Variants in COL24A1 observed in about 807,000 individuals in gnomAD.
COL24A1 encodes the protein collagen type XXIV alpha 1 chain, also known as collagen alpha-1(XXIV) chain.
A neutral mutation model predicts 253.9 loss-of-function variants in COL24A1; 224 were observed. The observed-to-expected ratio is 0.88, with a 90% confidence interval of 0.79 to 0.99. COL24A1 has a LOEUF of 0.99. COL24A1 is among the 50% of genes least tolerant of loss of function. The pLI is 0.00. For missense variants in COL24A1, 2,131 were observed against 2,068.5 expected, an observed-to-expected ratio of 1.03 and a Z score of -0.59; for synonymous variants, 685 against 673.7, an observed-to-expected ratio of 1.02 and a Z score of -0.26.
chr1:85,996,947 A>G (rs1694850725), intron 19 of COL24A1, among the ~76,000 whole-genome samples: 1 of 151,480 alleles, frequency 6.6e-6, no homozygotes, highest in African/African-American at 2.4e-5. Flanking sequence ...CTATGGGTCT[A>G]TGGTCACTCT....
rs1333536922 is a variant in COL24A1, at chr1:85,842,138, A to G, written c.3517-17T>C. The G allele has an allele frequency of 6.2e-7, 1 of 1,610,708 alleles. No individual in the cohort carries two copies. The highest frequency in any genetic ancestry group is 8.5e-7 in the Non-Finnish European group (1 of 1,177,152). ...CTGATGGCCCTACGAAAGGACAAGTAGACATTTATACATGCTCTACCTAGA... is the reference window on the plus strand; with the variant it reads ...CTGATGGCCCTACGAAAGGACAAGTGGACATTTATACATGCTCTACCTAGA... On this transcript the variant is annotated splice_polypyrimidine_tract_variant and intron_variant, in intron 40 of 59. Transcript: ENST00000370571.
At position 86,056,531 on chromosome 1, in the gene COL24A1, G is replaced by A. The variant is rs190495358; in HGVS notation, c.1851+1400C>T. Among the ~76,000 whole-genome samples, 4 of 152,198 alleles carry A rather than the reference G, an allele frequency of 2.6e-5. No individual in the cohort carries two copies. The East Asian group carries it at 5.8e-4, about 22-fold the overall frequency. Reference sequence around the variant, plus strand: ...GTAAGACATCATTATTGCACATATTGTTTAAATACCTTATGCTTTACTTCT... The same window carrying A: ...GTAAGACATCATTATTGCACATATTATTTAAATACCTTATGCTTTACTTCT... On this transcript the variant is annotated intron_variant, in intron 10 of 59. Coordinates refer to ENST00000370571, the MANE Select transcript of COL24A1 (RefSeq NM_152890.7).
At chr1:85,833,967 G>A (rs1570831457) in intron 43 of COL24A1, among the ~76,000 whole-genome samples, 3 of 120,696 alleles carry the variant, frequency 2.5e-5, no homozygotes, top group East Asian at 5.9e-4. Flanking sequence ...GGACTGTTGT[G>A]GGGTGGGGGG....
intron 1 of COL24A1, among the ~76,000 whole-genome samples, chr1:86,153,744 G>A (rs894513502): frequency 5.9e-5 from 9 of 152,008 alleles, no homozygotes; most frequent in East Asian, 1.9e-4. Flanking sequence ...ATAGAATTTC[G>A]TGCCATCTAG....
intron 43 of COL24A1, among the ~76,000 whole-genome samples, chr1:85,827,562 C>A (rs1211409701): frequency 1.4e-5 from 2 of 140,526 alleles, no homozygotes; most frequent in African/African-American, 5.1e-5. Context: ...GTCCTGGACT[C>A]TTTTTGGTTG....
In COL24A1 at chr1:86,141,432, G is replaced by T. The variant is rs996561653; in HGVS notation, c.121+4687C>A. The stretch of plus-strand genomic sequence containing the variant: ...GAAGGGAAGCTCTGTATTGAGAAGG[G>T]ATTTGGCTAAAATTGACATACAAAA... On this transcript the variant is annotated intron_variant, in intron 2 of 59. Coordinates refer to ENST00000370571, the MANE Select transcript of COL24A1 (RefSeq NM_152890.7). Among the ~76,000 whole-genome samples the T allele has an allele frequency of 1.2e-4, 19 of 152,240 alleles. 2 individuals are homozygous for T. Among genetic ancestry groups the T allele is most frequent in the Admixed American group, 5.2e-4 (8 of 15,292 alleles).
At chr1:85,907,921 A>G (rs1408076547) in intron 27 of COL24A1, among the ~76,000 whole-genome samples, 1 of 151,778 alleles carries the variant, frequency 6.6e-6, no homozygotes, top group Non-Finnish European at 1.5e-5. Context: ...AGATATTAGT[A>G]ACTGTTCTTG....
intron 11 of COL24A1, 99 bp downstream of exon 11, chr1:86,050,025 C>G: frequency 1.0e-6 from 1 of 992,856 alleles, no homozygotes; most frequent in Admixed American, 2.3e-5. Context: ...CTTGCTAACT[C>G]AGTAAGATTA....
rs192219769 is a variant in COL24A1 at position 85,768,217 on chromosome 1, G to T, written c.4375-6651C>A. Among the ~76,000 whole-genome samples, 344 of 151,986 alleles carry T rather than the reference G, an allele frequency of 2.3e-3. 3 individuals carry two copies. Among genetic ancestry groups the T allele is most frequent in the Middle Eastern group, 3.4e-3 (1 of 294 alleles). On this transcript the variant is annotated intron_variant, in intron 53 of 59. Coordinates refer to ENST00000370571, the MANE Select transcript of COL24A1 (RefSeq NM_152890.7). ...TTAGTGTAGGTGGCAGGTGGAAAAT[G>T]GTACATCAGGACACTGGAGAGGCAA...
At chr1:86,011,660 C>A (rs1465352595) in intron 19 of COL24A1, among the ~76,000 whole-genome samples, 1 of 152,154 alleles carries the variant, frequency 6.6e-6, no homozygotes, top group Non-Finnish European at 1.5e-5. Flanking sequence ...TTTCTTTTAT[C>A]ACTTTGTTTT....
rs1681270704 is a variant in COL24A1 at position 85,877,151 on chromosome 1, C to T, written c.3001G>A (p.Val1001Ile). ...ATGCCCATTTCTCCAGGAGGTCCAACATCACCTTGCAGTCCTCGCAGTCCC... is the reference window on the plus strand; with the variant it reads ...ATGCCCATTTCTCCAGGAGGTCCAATATCACCTTGCAGTCCTCGCAGTCCC... ...EPGLRGLQGD[V>I]GPPGEMGMEG... The change falls in exon 33 of 60, where the codon GTT becomes ATT. Residue 1001 changes from valine to isoleucine, a missense_variant. Transcript: ENST00000370571. 2 of 1,606,980 alleles carry T rather than the reference C, an allele frequency of 1.2e-6. No individual in the cohort carries two copies. Among genetic ancestry groups the T allele is most frequent in the Admixed American group, 3.4e-5 (2 of 59,186 alleles).
At position 86,150,544 on chromosome 1, in the gene COL24A1, T is replaced by C. The variant is rs76390962; in HGVS notation, c.57-4361A>G. 5.9e-5 allele frequency among the ~76,000 whole-genome samples: 9 copies of C among 152,314 alleles called. No homozygotes were observed. In the East Asian group the frequency reaches 1.5e-3, roughly 26 times the overall value. On this transcript the variant is annotated intron_variant, in intron 1 of 59. Coordinates refer to ENST00000370571, the MANE Select transcript of COL24A1 (RefSeq NM_152890.7). Reference sequence around the variant, plus strand: ...GAAATAGAATTTTTTAAATCTGCTATGGTAGCATATATGGTAGCCTTCTTC... The same window carrying C: ...GAAATAGAATTTTTTAAATCTGCTACGGTAGCATATATGGTAGCCTTCTTC...
At chr1:86,036,766 A>G (rs555798151) in intron 12 of COL24A1, among the ~76,000 whole-genome samples, 31 of 152,328 alleles carry the variant, frequency 2.0e-4, no homozygotes, top group African/African-American at 6.0e-4. Context: ...TTTATAATAC[A>G]AAAGACAGTC....
At chr1:85,832,415 T>C (rs1675410652) in intron 43 of COL24A1, among the ~76,000 whole-genome samples, 1 of 151,974 alleles carries the variant, frequency 6.6e-6, no homozygotes, top group African/African-American at 2.4e-5. Flanking sequence ...GTGGGCTCTT[T>C]TTTGGTTCCA....
chr1:86,111,257 C>T (rs1324743719), intron 5 of COL24A1, among the ~76,000 whole-genome samples: 7 of 149,080 alleles, frequency 4.7e-5, no homozygotes, highest in South Asian at 4.3e-4. Flanking sequence ...GCTAATCTGG[C>T]GGGGACTTGG....
At chr1:86,076,070 A>G (rs1313855559) in intron 7 of COL24A1, among the ~76,000 whole-genome samples, 2 of 152,200 alleles carry the variant, frequency 1.3e-5, no homozygotes, top group Non-Finnish European at 2.9e-5. Context: ...AAAGAAATAA[A>G]GCATAATCAA....
chr1:86,134,333 TG>T (rs1456687474), intron 2 of COL24A1, among the ~76,000 whole-genome samples: 4 of 152,080 alleles, frequency 2.6e-5, no homozygotes, highest in Admixed American at 2.0e-4. Flanking sequence ...GAAGGTTTTT[TG>T]TGTCTCCATT....
chr1:85,849,602 A>G (rs1282377550), intron 37 of COL24A1, among the ~76,000 whole-genome samples, 196 bp from the exon 38 acceptor site: 1 of 152,134 alleles, frequency 6.6e-6, no homozygotes, highest in East Asian at 1.9e-4. Context: ...ATTAGCTATA[A>G]AGTTCACATG....
intron 12 of COL24A1, among the ~76,000 whole-genome samples, chr1:86,037,419 A>C (rs1406592879): frequency 1.3e-5 from 2 of 152,212 alleles, no homozygotes; most frequent in Non-Finnish European, 2.9e-5. Flanking sequence ...TGAAGTAAGC[A>C]GCTGTGTTGG....
Sources: allele counts gnomAD v4.1 joint callset (sites outside exome capture counted in the v4.1 genomes callset), GRCh38; gene constraint gnomAD v4.1.1; transcripts MANE v1.5; gene names NCBI Gene and HGNC (gene_info 2026-07-23, HGNC 2026-07-21).